Variants in MSRA observed in about 807,000 individuals in gnomAD.
The protein encoded by MSRA is mitochondrial peptide methionine sulfoxide reductase.
MSRA carries 54 observed loss-of-function variants against 31.3 expected under a neutral mutation model. The observed-to-expected ratio is 1.73, with a 90% CI of 1.39 to 2.17. The LOEUF (loss-of-function observed/expected upper bound fraction) is 2.17, where lower values mean the gene tolerates loss of function less well. Among genes scored for constraint, MSRA ranks in the 30% most tolerant of loss-of-function variants. The probability of loss-of-function intolerance (pLI) is 0.00; values close to 1 mark genes in which losing one functional copy is unlikely to be tolerated. For synonymous variants in MSRA, 169 were observed against 116.5 expected (o/e 1.45, Z -2.90); for missense variants, 507 against 300.9 (o/e 1.69, Z -5.07).
intron 5 of MSRA, among the ~76,000 whole-genome samples, chr8:10,363,285 G>C (rs1018730315): frequency 6.6e-6 from 1 of 152,186 alleles, no homozygotes; most frequent in Non-Finnish European, 1.5e-5. Context: ...AGGGAATATG[G>C]CCATGTCAGG....
At chr8:10,405,999 T>C (rs1009989295) in intron 5 of MSRA, among the ~76,000 whole-genome samples, 5 of 152,258 alleles carry the variant, frequency 3.3e-5, no homozygotes, top group Non-Finnish European at 7.3e-5. Context: ...CTATTCACCA[T>C]CTGTCCTCCA....
At chr8:10,105,901 G>C (rs983961309) in intron 1 of MSRA, among the ~76,000 whole-genome samples, 1 of 152,192 alleles carries the variant, frequency 6.6e-6, no homozygotes, top group African/African-American at 2.4e-5. Context: ...AGAAGATATA[G>C]AAACCAGGAG....
At chr8:10,353,485 AGGCCCG>A in intron 5 of MSRA, 7 of 36,358 alleles carry the variant, frequency 1.9e-4, no homozygotes, top group Middle Eastern at 6.8e-3. Context: ...TTGGTACCGG[AGGCCCG>A]GAGGCCCGTG....
chr8:10,363,554 C>G (rs1274516440), intron 5 of MSRA, among the ~76,000 whole-genome samples: 1 of 152,076 alleles, frequency 6.6e-6, no homozygotes, highest in East Asian at 1.9e-4. Context: ...CTTAGTAGTC[C>G]CCTTAGCCTG....
chr8:10,102,618 A>G (rs7843390), intron 1 of MSRA, among the ~76,000 whole-genome samples: 92,041 of 152,078 alleles, frequency 0.61, 29,354 homozygotes, highest in Middle Eastern at 0.72. Context: ...GTGTTTTCTC[A>G]TTTAAATTGA....
At chr8:10,401,659 G>T (rs555343038) in intron 5 of MSRA, among the ~76,000 whole-genome samples, 1 of 145,846 alleles carries the variant, frequency 6.9e-6, no homozygotes, top group African/African-American at 2.5e-5. Context: ...AGCAACTTAA[G>T]TGCCCGTCAT....
intron 2 of MSRA, among the ~76,000 whole-genome samples, chr8:10,215,828 C>A (rs1375265272): frequency 1.3e-5 from 2 of 152,140 alleles, no homozygotes; most frequent in African/African-American, 2.4e-5. Flanking sequence ...CAGCAACCAC[C>A]CACTTGACTG....
At chr8:10,068,938 A>C (rs775659506) in intron 1 of MSRA, among the ~76,000 whole-genome samples, 15 of 152,172 alleles carry the variant, frequency 9.9e-5, no homozygotes, top group Non-Finnish European at 1.9e-4. Context: ...CTCTCCATTT[A>C]TTTAGATATA....
At chr8:10,068,395 C>T (rs1413906071) in intron 1 of MSRA, among the ~76,000 whole-genome samples, 2 of 152,132 alleles carry the variant, frequency 1.3e-5, no homozygotes, top group Admixed American at 6.5e-5. Context: ...ATTGCCAAAC[C>T]GAAGGTCACC....
rs144693539 is a variant in MSRA, at chr8:10,284,895, C to T, written c.332-16639C>T. 5.9e-5 allele frequency among the ~76,000 whole-genome samples: 9 copies of T among 152,104 alleles called. No homozygotes were observed. The East Asian group carries it at 1.7e-3, about 29-fold the overall frequency. On this transcript the variant is annotated intron_variant, in intron 3 of 5. Transcript: ENST00000317173. ...CTCATCCAGAACAAGCACTGTTTGC[C>T]ACTATTATTATCAAATGATCTCTAG...
At chr8:10,162,699 A>G (rs1187216129) in intron 1 of MSRA, among the ~76,000 whole-genome samples, 3 of 152,180 alleles carry the variant, frequency 2.0e-5, no homozygotes, top group Non-Finnish European at 2.9e-5. Context: ...TGAAGGGGAA[A>G]CCTGTAGCTC....
chr8:10,386,410 A>G (rs1486952350), intron 5 of MSRA, among the ~76,000 whole-genome samples: 1 of 152,142 alleles, frequency 6.6e-6, no homozygotes, highest in Non-Finnish European at 1.5e-5. Flanking sequence ...AGCAGGAGGG[A>G]AGGGAAGGTT....
intron 5 of MSRA, among the ~76,000 whole-genome samples, chr8:10,370,279 T>G (rs1398602159): frequency 6.6e-6 from 1 of 152,188 alleles, no homozygotes; most frequent in African/African-American, 2.4e-5. Flanking sequence ...TGAACTTAGA[T>G]TCCTTCCTTA....
At chr8:10,335,009 C>G (rs543596174) in intron 5 of MSRA, among the ~76,000 whole-genome samples, 1 of 152,094 alleles carries the variant, frequency 6.6e-6, no homozygotes, top group Non-Finnish European at 1.5e-5. Context: ...CTCTCGTGTC[C>G]TTAGGTCTAG....
chr8:10,134,163 A>T (rs1199508552), intron 1 of MSRA, among the ~76,000 whole-genome samples: 1 of 152,090 alleles, frequency 6.6e-6, no homozygotes, highest in Non-Finnish European at 1.5e-5. Context: ...TTCTGTGGTG[A>T]TAAATTATGA....
intron 3 of MSRA, among the ~76,000 whole-genome samples, chr8:10,257,838 G>C (rs1244204857): frequency 1.3e-5 from 2 of 152,156 alleles, no homozygotes; most frequent in African/African-American, 4.8e-5. Flanking sequence ...CTATTTTTCT[G>C]ACAGGACATG....
At chr8:10,294,116 G>A (rs1800399177) in intron 3 of MSRA, among the ~76,000 whole-genome samples, 1 of 152,150 alleles carries the variant, frequency 6.6e-6, no homozygotes, top group South Asian at 2.1e-4. Context: ...AGGCAGAATT[G>A]CTTGAACCTG....
chr8:10,065,383 G>T (rs879531346), intron 1 of MSRA, among the ~76,000 whole-genome samples: 1 of 152,022 alleles, frequency 6.6e-6, no homozygotes, highest in African/African-American at 2.4e-5. Flanking sequence ...CTTAAAAAAT[G>T]TTTTTTTTCT....
chr8:10,173,368 G>C (rs767036778), intron 1 of MSRA, among the ~76,000 whole-genome samples: 1 of 152,226 alleles, frequency 6.6e-6, no homozygotes, highest in Non-Finnish European at 1.5e-5. Context: ...GAATCTGGGG[G>C]TGAAGACCAG....
Sources: allele counts gnomAD v4.1 joint callset (sites outside exome capture counted in the v4.1 genomes callset), GRCh38; gene constraint gnomAD v4.1.1; transcripts MANE v1.5; gene names NCBI Gene and HGNC (gene_info 2026-07-23, HGNC 2026-07-21).